Variants in OR9Q1 observed in about 807,000 individuals in gnomAD.
The protein encoded by OR9Q1 is olfactory receptor family 9 subfamily Q member 1, also known as olfactory receptor 9Q1.
For synonymous variants in OR9Q1, 153 were observed against 148.6 expected (o/e 1.03, Z -0.22); for missense variants, 374 against 378.8 (o/e 0.99, Z 0.11).
At chr11:58,080,420 CTT>C (rs1448948116) in intron 2 of OR9Q1, among the ~76,000 whole-genome samples, 2 of 152,062 alleles carry the variant, frequency 1.3e-5, no homozygotes, top group Non-Finnish European at 2.9e-5. Flanking sequence ...GATTTCCTGT[CTT>C]TGTATTGTGC....
At chr11:58,034,710 C>T (rs1853078692) in intron 1 of OR9Q1, among the ~76,000 whole-genome samples, 1 of 139,582 alleles carries the variant, frequency 7.2e-6, no homozygotes, top group South Asian at 2.3e-4. Flanking sequence ...GGAGGAGACA[C>T]ACTGTCTGTC....
At chr11:58,078,696 G>T (rs1853562171) in intron 2 of OR9Q1, 1 of 152,174 alleles carries the variant, frequency 6.6e-6, no homozygotes, top group African/African-American at 2.4e-5. Flanking sequence ...AGTAGTTATT[G>T]TGAGGATGTC....
intron 1 of OR9Q1, among the ~76,000 whole-genome samples, chr11:58,026,319 T>A (rs1852972424): frequency 6.6e-6 from 1 of 152,200 alleles, no homozygotes; most frequent in Non-Finnish European, 1.5e-5. Context: ...AGTTGTGAAA[T>A]TCTGTCTCTC....
At chr11:58,034,252 A>AT (rs551434005) in intron 1 of OR9Q1, among the ~76,000 whole-genome samples, 18 of 151,130 alleles carry the variant, frequency 1.2e-4, no homozygotes, top group Non-Finnish European at 2.4e-4. Flanking sequence ...TGCCTGGCTA[A>AT]TTTTTTTTAT....
chr11:58,114,590 G>T (rs1590597890), intron 2 of OR9Q1, among the ~76,000 whole-genome samples: 1 of 152,120 alleles, frequency 6.6e-6, no homozygotes, highest in East Asian at 1.9e-4. Flanking sequence ...GCTCAGGAGG[G>T]TAAGTGGCAG....
At chr11:58,031,673 G>A (rs748655269) in intron 1 of OR9Q1, 2 of 1,613,852 alleles carry the variant, frequency 1.2e-6, no homozygotes, top group South Asian at 1.1e-5. Flanking sequence ...GCGCTGGAAG[G>A]CCTTCTCTAC....
At chr11:58,128,885 G>A (rs556493787) in intron 2 of OR9Q1, among the ~76,000 whole-genome samples, 30 of 152,046 alleles carry the variant, frequency 2.0e-4, no homozygotes, top group African/African-American at 7.0e-4. Flanking sequence ...CATAAAAAAG[G>A]CAAATCAAAT....
intron 2 of OR9Q1, among the ~76,000 whole-genome samples, chr11:58,104,002 A>G (rs4939182): frequency 0.22 from 33,112 of 152,098 alleles, 4,789 homozygotes; most frequent in East Asian, 0.58. Flanking sequence ...CATCAGTAGC[A>G]TGGATACTTT....
rs150515611 is a variant in OR9Q1 at position 58,116,365 on chromosome 11, T to C, written c.-15+60418T>C. Among the ~76,000 whole-genome samples the C allele has an allele frequency of 5.9e-5, 9 of 152,360 alleles. No homozygotes were observed. The East Asian group carries it at 1.7e-3, about 29-fold the overall frequency. On this transcript the variant is annotated intron_variant, in intron 2 of 2. Transcript: ENST00000335397. Reference sequence around the variant, plus strand: ...CATGGGCAAGAGTTTCTCCAGTGTGTATAGCTAGGCCACTGGAATAGCTGG... The same window carrying C: ...CATGGGCAAGAGTTTCTCCAGTGTGCATAGCTAGGCCACTGGAATAGCTGG...
chr11:58,042,179 T>C (rs180773124), intron 1 of OR9Q1, among the ~76,000 whole-genome samples: 1 of 149,126 alleles, frequency 6.7e-6, no homozygotes, highest in African/African-American at 2.4e-5. Flanking sequence ...TTTAAGGATG[T>C]ATTTTGTGGC....
chr11:58,132,427 G>T (rs986428032), intron 2 of OR9Q1, among the ~76,000 whole-genome samples: 1 of 152,142 alleles, frequency 6.6e-6, no homozygotes, highest in Non-Finnish European at 1.5e-5. Flanking sequence ...GGTTTCCTCA[G>T]TTGAGGCATA....
At chr11:58,158,651 T>C (rs1031745584) in intron 2 of OR9Q1, among the ~76,000 whole-genome samples, 1 of 152,100 alleles carries the variant, frequency 6.6e-6, no homozygotes, top group Non-Finnish European at 1.5e-5. Flanking sequence ...CCAAGGTGGT[T>C]CCATCTTCCA....
At chr11:58,157,630 A>G (rs899539916) in intron 2 of OR9Q1, among the ~76,000 whole-genome samples, 1 of 152,192 alleles carries the variant, frequency 6.6e-6, no homozygotes, top group African/African-American at 2.4e-5. Context: ...GCTTAATGCT[A>G]CACATCAGGC....
chr11:58,174,249 T>C (rs1300415731), intron 2 of OR9Q1, among the ~76,000 whole-genome samples: 1 of 152,172 alleles, frequency 6.6e-6, no homozygotes, highest in Non-Finnish European at 1.5e-5. Flanking sequence ...CTTGTGATTC[T>C]GCCATTTTTA....
chr11:58,175,635 A>G (rs1316523460), intron 2 of OR9Q1, among the ~76,000 whole-genome samples: 2 of 152,000 alleles, frequency 1.3e-5, no homozygotes, highest in African/African-American at 2.4e-5. Context: ...AATCTCACCT[A>G]TTAGGCTGCA....
chr11:58,103,875 T>C (rs1853814554), intron 2 of OR9Q1, among the ~76,000 whole-genome samples: 1 of 152,160 alleles, frequency 6.6e-6, no homozygotes, highest in Non-Finnish European at 1.5e-5. Context: ...TTAGTAGTGT[T>C]TGTGAGTGTC....
chr11:58,053,224 T>G (rs1372113033), intron 1 of OR9Q1, among the ~76,000 whole-genome samples: 1 of 151,248 alleles, frequency 6.6e-6, no homozygotes, highest in Non-Finnish European at 1.5e-5. Flanking sequence ...ATAGACTGGA[T>G]TAAGAAAATG....
intron 2 of OR9Q1, among the ~76,000 whole-genome samples, chr11:58,107,045 G>T (rs981728763): frequency 6.6e-6 from 1 of 152,038 alleles, no homozygotes; most frequent in Non-Finnish European, 1.5e-5. Context: ...TAAATTTGTA[G>T]ATTGCTTTGG....
chr11:58,068,711 G>C (rs766214486), intron 2 of OR9Q1, among the ~76,000 whole-genome samples: 1 of 152,146 alleles, frequency 6.6e-6, no homozygotes, highest in Non-Finnish European at 1.5e-5. Flanking sequence ...CAAGTGCTGT[G>C]AATAATAAGA....
Sources: allele counts gnomAD v4.1 joint callset (sites outside exome capture counted in the v4.1 genomes callset), GRCh38; gene constraint gnomAD v4.1.1; transcripts MANE v1.5; gene names NCBI Gene and HGNC (gene_info 2026-07-23, HGNC 2026-07-21).